ATP2B4: variants seen among roughly 807,000 people sequenced by gnomAD.
The protein encoded by ATP2B4 is ATPase plasma membrane Ca2+ transporting 4, also known as plasma membrane calcium-transporting ATPase 4.
In ATP2B4, 39 loss-of-function variants were observed where a neutral mutation model predicts 110.3. The ratio of observed to expected loss-of-function variants is 0.35; its 90% confidence interval spans 0.27 to 0.46. The LOEUF (loss-of-function observed/expected upper bound fraction) is 0.46, where lower values mean the gene tolerates loss of function less well. ATP2B4 is among the 20% of genes least tolerant of loss of function. The pLI is 1.00. For missense variants in ATP2B4, 1,135 were observed against 1,530.9 expected, an observed-to-expected ratio of 0.74 and a Z score of 4.32; for synonymous variants, 538 against 571.7, an observed-to-expected ratio of 0.94 and a Z score of 0.84.
At chr1:203,720,834 G>C in intron 16 of ATP2B4, 94 bp downstream of exon 16, 1 of 1,390,958 alleles carries the variant, frequency 7.2e-7, no homozygotes, top group Non-Finnish European at 9.7e-7. Flanking sequence ...GAAGAGTAAA[G>C]ACAGCGTTTC....
At chr1:203,734,925 A>G (rs994889450) in intron 20 of ATP2B4, among the ~76,000 whole-genome samples, 20 of 143,630 alleles carry the variant, frequency 1.4e-4, no homozygotes, top group Non-Finnish European at 1.5e-5. Flanking sequence ...AATCGCTGGA[A>G]CCCAGGAGGC....
chr1:203,675,056 G>C (rs1571709207), intron 1 of ATP2B4, among the ~76,000 whole-genome samples: 1 of 152,144 alleles, frequency 6.6e-6, no homozygotes, highest in East Asian at 1.9e-4. Flanking sequence ...CAGTGGCCAG[G>C]GGTCAGGGGG....
chr1:203,676,851 G>A (rs954859361), intron 1 of ATP2B4, among the ~76,000 whole-genome samples: 1 of 151,936 alleles, frequency 6.6e-6, no homozygotes, highest in African/African-American at 2.4e-5. Flanking sequence ...GGGAAGGGAG[G>A]GTGTCTGCTC....
intron 1 of ATP2B4, among the ~76,000 whole-genome samples, chr1:203,642,807 G>A (rs533642932): frequency 9.9e-5 from 15 of 152,246 alleles, no homozygotes; most frequent in African/African-American, 2.4e-4. Context: ...CTGTGTGACC[G>A]TGGACAAATT....
At chr1:203,703,005 C>T (rs998799933) in intron 7 of ATP2B4, among the ~76,000 whole-genome samples, 1 of 152,046 alleles carries the variant, frequency 6.6e-6, no homozygotes, top group African/African-American at 2.4e-5. Context: ...ACACCAGCTT[C>T]TTCCCTCTTC....
intron 1 of ATP2B4, among the ~76,000 whole-genome samples, chr1:203,658,910 A>G (rs1256228738): frequency 6.6e-6 from 1 of 151,780 alleles, no homozygotes; most frequent in South Asian, 2.1e-4. Flanking sequence ...AGGCTGAGGC[A>G]GGAGAATTGC....
chr1:203,694,632 G>C (rs778171030), intron 2 of ATP2B4, among the ~76,000 whole-genome samples: 3 of 152,024 alleles, frequency 2.0e-5, no homozygotes, highest in Admixed American at 2.0e-4. Context: ...GAGTCATAAG[G>C]GTCCTGGAAG....
chr1:203,687,441 A>G (rs1198741381), intron 2 of ATP2B4, among the ~76,000 whole-genome samples: 1 of 152,214 alleles, frequency 6.6e-6, no homozygotes, highest in Non-Finnish European at 1.5e-5. Flanking sequence ...CAGCCTGTTC[A>G]TGGAAGGCCA....
chr1:203,736,544 G>A (rs1252819383), intron 20 of ATP2B4, among the ~76,000 whole-genome samples: 1 of 151,930 alleles, frequency 6.6e-6, no homozygotes, highest in Non-Finnish European at 1.5e-5. Flanking sequence ...GAGCTGCAGA[G>A]AGTAGCCCTC....
rs75737190 is a variant in ATP2B4, at chr1:203,699,762, T to A, written c.649+45T>A. ...TTTGCTTACCCCACCACCACCCCCA[T>A]TTAAGGGATAGGTCCTTTGGCATGA... On this transcript the variant is annotated intron_variant, in intron 4 of 20. Transcript: ENST00000357681. 4,805 of 1,606,534 alleles carry A rather than the reference T, an allele frequency of 3.0e-3. 140 individuals carry two copies. In the African/African-American group the frequency reaches 0.058, roughly 19 times the overall value.
intron 17 of ATP2B4, among the ~76,000 whole-genome samples, 189 bp from the exon 18 acceptor site, chr1:203,722,289 A>G (rs1435904930): frequency 6.6e-6 from 1 of 152,166 alleles, no homozygotes; most frequent in African/African-American, 2.4e-5. Flanking sequence ...AGCCATGATC[A>G]TGCCACTGCG....
intron 1 of ATP2B4, among the ~76,000 whole-genome samples, chr1:203,670,597 G>T (rs1264706231): frequency 1.3e-5 from 2 of 152,170 alleles, no homozygotes; most frequent in Non-Finnish European, 2.9e-5. Context: ...TTCATCTGTG[G>T]ACTCTTTCCT....
At chr1:203,732,977 G>T (rs1244370333) in intron 20 of ATP2B4, among the ~76,000 whole-genome samples, 1 of 152,120 alleles carries the variant, frequency 6.6e-6, no homozygotes, top group Non-Finnish European at 1.5e-5. Flanking sequence ...CTAGATTCTG[G>T]CTGGGCGTTG....
intron 1 of ATP2B4, among the ~76,000 whole-genome samples, chr1:203,637,391 G>A (rs1245912830): frequency 2.9e-5 from 4 of 136,150 alleles, no homozygotes; most frequent in Admixed American, 8.2e-5. Flanking sequence ...AGCCGAGATC[G>A]CACCACTGCA....
rs574449097 is a variant in ATP2B4 at position 203,659,853 on chromosome 1, G to A, written c.-464-22889G>A. On this transcript the variant is annotated intron_variant, in intron 1 of 20. Coordinates refer to ENST00000357681, the MANE Select transcript of ATP2B4 (RefSeq NM_001684.5). ...AATTCCAGCACTTTGGGAGGCCAAG[G>A]CAGGTGGATCACAAGATCAGGAGTT... Among the ~76,000 whole-genome samples the A allele has an allele frequency of 5.3e-5, 8 of 152,196 alleles. No homozygotes were observed. The East Asian group carries it at 1.5e-3, about 29-fold the overall frequency.
At chr1:203,680,913 C>T (rs1340071985) in intron 1 of ATP2B4, among the ~76,000 whole-genome samples, 2 of 152,154 alleles carry the variant, frequency 1.3e-5, no homozygotes, top group Non-Finnish European at 2.9e-5. Context: ...AGCATTGTTC[C>T]CAACATCCTC....
intron 1 of ATP2B4, among the ~76,000 whole-genome samples, chr1:203,669,583 C>T (rs1423308375): frequency 1.3e-5 from 2 of 151,974 alleles, no homozygotes; most frequent in Non-Finnish European, 2.9e-5. Flanking sequence ...ATTACAGGCA[C>T]GTGCCACCAC....
intron 1 of ATP2B4, among the ~76,000 whole-genome samples, chr1:203,632,566 A>G (rs1663303141): frequency 6.6e-6 from 1 of 151,472 alleles, no homozygotes; most frequent in Non-Finnish European, 1.5e-5. Flanking sequence ...GATGGTTTCG[A>G]TCTCCCGACC....
In ATP2B4 at chr1:203,739,812, C is replaced by T. The variant is rs371318649; in HGVS notation, c.3576C>T (p.Pro1192=). Reference sequence around the variant, plus strand: ...TGGATTGCAACCAAGTGCAGCTCCCCCAGTCGGACAGCTCTCTACAGAGCC... The same window carrying T: ...TGGATTGCAACCAAGTGCAGCTCCCTCAGTCGGACAGCTCTCTACAGAGCC... The part of the protein sequence containing the change: ...NAVDCNQVQL[P]QSDSSLQSLE... Residue 1192 remains proline (P), a synonymous_variant, in exon 21 of 21, where the codon CCC becomes CCT. Transcript: ENST00000357681. The T allele has an allele frequency of 8.1e-6, 13 of 1,613,992 alleles. No homozygotes were observed. In the Admixed American group the frequency reaches 1.8e-4, roughly 23 times the overall value.
Sources: gnomAD v4.1 joint callset for allele counts (sites outside exome capture counted in the v4.1 genomes callset) on GRCh38, gnomAD v4.1.1 for gene constraint, MANE v1.5 for transcripts, NCBI Gene and HGNC (gene_info 2026-07-23, HGNC 2026-07-21) for gene names.